DPP10: variants seen among roughly 807,000 people sequenced by gnomAD.
The protein encoded by DPP10 is dipeptidyl peptidase like 10.
In DPP10, 33 loss-of-function variants were observed where a neutral mutation model predicts 120.9. That is an observed-to-expected ratio of 0.27 (90% CI 0.21 to 0.37). The LOEUF (loss-of-function observed/expected upper bound fraction) is 0.37. DPP10 is among the 10% of genes least tolerant of loss of function. The pLI is 1.00. For synonymous variants in DPP10, 337 were observed against 326.1 expected (o/e 1.03, Z -0.36); for missense variants, 816 against 942.8 (o/e 0.87, Z 1.76).
intron 1 of DPP10, among the ~76,000 whole-genome samples, chr2:114,570,365 A>G (rs528907897): frequency 7.2e-5 from 11 of 152,142 alleles, no homozygotes; most frequent in Non-Finnish European, 1.2e-4. Context: ...TCCAACTTCA[A>G]TATCACCGTG....
intron 1 of DPP10, among the ~76,000 whole-genome samples, chr2:115,211,848 TTGAG>T (rs1388057941): frequency 1.3e-5 from 2 of 152,150 alleles, no homozygotes; most frequent in Non-Finnish European, 2.9e-5. Context: ...AGCCAATACT[TTGAG>T]TGTTAGAATT....
chr2:115,055,488 A>G (rs1705828919), intron 1 of DPP10, among the ~76,000 whole-genome samples: 1 of 152,184 alleles, frequency 6.6e-6, no homozygotes, highest in Non-Finnish European at 1.5e-5. Flanking sequence ...GCGAAGAACC[A>G]CTTAAACAGG....
intron 1 of DPP10, among the ~76,000 whole-genome samples, chr2:114,528,245 C>T (rs1685667833): frequency 6.6e-6 from 1 of 152,112 alleles, no homozygotes; most frequent in South Asian, 2.1e-4. Context: ...CCACTGGTAT[C>T]TTATGGAAAT....
intron 1 of DPP10, among the ~76,000 whole-genome samples, chr2:114,730,990 C>T (rs1349288713): frequency 1.3e-5 from 2 of 151,346 alleles, no homozygotes; most frequent in African/African-American, 4.9e-5. Context: ...CTTGGCAAAT[C>T]TAAATGGAGG....
At chr2:115,636,894 A>G (rs1444953322) in intron 5 of DPP10, among the ~76,000 whole-genome samples, 1 of 152,180 alleles carries the variant, frequency 6.6e-6, no homozygotes, top group Non-Finnish European at 1.5e-5. Context: ...GAATCTTAAG[A>G]GATTTTAGAA....
intron 2 of DPP10, among the ~76,000 whole-genome samples, chr2:115,335,104 G>A (rs1205200695): frequency 6.6e-6 from 1 of 151,712 alleles, no homozygotes; most frequent in Non-Finnish European, 1.5e-5. Context: ...ATGGCAGGAG[G>A]CAAAAAGAAA....
At chr2:115,120,438 G>C (rs895096369) in intron 1 of DPP10, among the ~76,000 whole-genome samples, 2 of 151,762 alleles carry the variant, frequency 1.3e-5, no homozygotes, top group East Asian at 3.9e-4. Flanking sequence ...AAATATAGAA[G>C]GTTCCTTGGA....
chr2:114,950,541 T>C (rs1697710539), intron 1 of DPP10, among the ~76,000 whole-genome samples: 1 of 151,930 alleles, frequency 6.6e-6, no homozygotes, highest in African/African-American at 2.4e-5. Flanking sequence ...TCCTGACCTG[T>C]GATCTGCCCT....
chr2:115,481,838 G>A lies in DPP10; in HGVS notation c.272-17672G>A, dbSNP rs535809810. Among the ~76,000 whole-genome samples, 572 of 152,018 alleles carry A rather than the reference G, an allele frequency of 3.8e-3. 1 individual carries two copies. The highest frequency in any genetic ancestry group is 0.013 in the African/African-American group (535 of 41,466). On this transcript the variant is annotated intron_variant, in intron 3 of 25. Transcript: ENST00000410059. The stretch of plus-strand genomic sequence containing the variant: ...AACATATCACCTGCATATGATTAAT[G>A]TATTTAATATTGTCAACTTATTCAG...
At chr2:115,568,261 G>T (rs922924270) in intron 5 of DPP10, among the ~76,000 whole-genome samples, 1 of 151,846 alleles carries the variant, frequency 6.6e-6, no homozygotes, top group African/African-American at 2.4e-5. Flanking sequence ...GAGGCGGGCA[G>T]ATCACGAGGT....
At chr2:115,045,824 A>G (rs1705021249) in intron 1 of DPP10, among the ~76,000 whole-genome samples, 1 of 152,096 alleles carries the variant, frequency 6.6e-6, no homozygotes, top group Non-Finnish European at 1.5e-5. Context: ...GCTGTTGTGG[A>G]GTCGATCACT....
chr2:115,375,749 G>T (rs1301996366), intron 3 of DPP10, among the ~76,000 whole-genome samples: 1 of 152,204 alleles, frequency 6.6e-6, no homozygotes, highest in Non-Finnish European at 1.5e-5. Context: ...ATAGCAGAAG[G>T]TGAAGGAGAA....
intron 11 of DPP10, among the ~76,000 whole-genome samples, chr2:115,757,101 C>T (rs1679507284): frequency 7.0e-6 from 1 of 142,558 alleles, no homozygotes; most frequent in South Asian, 2.2e-4. Context: ...AATATTCAAA[C>T]ACTGTATCAT....
At chr2:115,735,505 A>T (rs1328249248) in intron 8 of DPP10, among the ~76,000 whole-genome samples, 1 of 149,942 alleles carries the variant, frequency 6.7e-6, no homozygotes, top group Non-Finnish European at 1.5e-5. Flanking sequence ...GCCAAATGTT[A>T]CTCCTTTCCA....
chr2:115,623,777 T>C (rs747300964), intron 5 of DPP10, among the ~76,000 whole-genome samples: 4 of 152,196 alleles, frequency 2.6e-5, no homozygotes, highest in African/African-American at 4.8e-5. Context: ...GTATGAAATA[T>C]GCATTGCATA....
At chr2:115,332,496 A>G (rs1270691081) in intron 2 of DPP10, among the ~76,000 whole-genome samples, 2 of 151,846 alleles carry the variant, frequency 1.3e-5, no homozygotes, top group Non-Finnish European at 2.9e-5. Flanking sequence ...TTGCTTCTCT[A>G]GTTCTTTTAA....
At chr2:114,606,632 T>C (rs1337514079) in intron 1 of DPP10, among the ~76,000 whole-genome samples, 1 of 152,192 alleles carries the variant, frequency 6.6e-6, no homozygotes, top group Non-Finnish European at 1.5e-5. Context: ...CAATACCATC[T>C]GGTGCCCAGA....
chr2:114,545,469 A>G (rs1426714794), intron 1 of DPP10, among the ~76,000 whole-genome samples: 1 of 152,200 alleles, frequency 6.6e-6, no homozygotes, highest in Non-Finnish European at 1.5e-5. Flanking sequence ...TCACTGAGGG[A>G]CACTGTTGAG....
intron 3 of DPP10, among the ~76,000 whole-genome samples, chr2:115,391,041 A>C (rs187903531): frequency 6.6e-6 from 1 of 152,258 alleles, no homozygotes; most frequent in Non-Finnish European, 1.5e-5. Flanking sequence ...TAAAAGCAGG[A>C]GAAGGAATAT....
Sources: allele counts gnomAD v4.1 joint callset (sites outside exome capture counted in the v4.1 genomes callset), GRCh38; gene constraint gnomAD v4.1.1; transcripts MANE v1.5; gene names NCBI Gene and HGNC (gene_info 2026-07-23, HGNC 2026-07-21).